PEAK1: variants seen among roughly 807,000 people sequenced by gnomAD.
PEAK1 encodes pseudopodium enriched atypical kinase 1.
PEAK1 carries 54 observed loss-of-function variants against 124.7 expected under a neutral mutation model. That is an observed-to-expected ratio of 0.43 (90% CI 0.35 to 0.54). PEAK1 has a LOEUF of 0.54. Ranked by LOEUF, PEAK1 falls within the 20% of genes least tolerant of loss-of-function variation. PEAK1 has a pLI of 0.01. For missense variants in PEAK1, 2,046 were observed against 2,134.5 expected (o/e 0.96, Z 0.82); for synonymous variants, 719 against 760.0 (o/e 0.95, Z 0.89).
At position 77,179,756 on chromosome 15, in the gene PEAK1, T is replaced by C. The variant is rs750579068; in HGVS notation, c.2171A>G (p.Tyr724Cys). Residue 724 changes from tyrosine (Y) to cysteine (C), a missense_variant, in exon 7 of 10, where the codon TAT becomes TGT. Coordinates refer to ENST00000682557, the MANE Select transcript of PEAK1 (RefSeq NM_001385026.1). ...NRGQSSPQRS[Y>C]SSSHSSPAKI... is the part of the protein sequence containing the mutation. ...TGCTGGGGAGCTGTGGCTGGAACTA[T>C]AGCTTCTCTGTGGTGAAGACTGACC... The C allele has an allele frequency of 9.3e-6, 15 of 1,614,152 alleles. No individual in the cohort carries two copies. The Admixed American group carries it at 1.2e-4, about 13-fold the overall frequency.
intron 2 of PEAK1, chr15:77,352,834 T>C: frequency 1.0e-6 from 1 of 985,362 alleles, no homozygotes; most frequent in Non-Finnish European, 1.2e-6. Flanking sequence ...AAACAGGTGT[T>C]CATAACAGCT....
At chr15:77,164,524 T>C (rs947288362) in intron 7 of PEAK1, among the ~76,000 whole-genome samples, 2 of 152,204 alleles carry the variant, frequency 1.3e-5, no homozygotes, top group African/African-American at 4.8e-5. Flanking sequence ...TAAAAGTGTC[T>C]TTAAGGCACC....
At chr15:77,283,549 G>A (rs767200637) in intron 5 of PEAK1, among the ~76,000 whole-genome samples, 1 of 151,994 alleles carries the variant, frequency 6.6e-6, no homozygotes, top group Non-Finnish European at 1.5e-5. Context: ...AAGTTACACA[G>A]TTGTAGCTCT....
Position 77,190,337 on chromosome 15 carries a change from A to C in PEAK1, c.-114-8297T>G, listed in dbSNP as rs78131430. Among the ~76,000 whole-genome samples, 903 of 152,340 alleles carry C rather than the reference A, an allele frequency of 5.9e-3. 12 individuals are homozygous for C. The highest frequency in any genetic ancestry group is 0.02 in the African/African-American group (835 of 41,578). Reference sequence around the variant, plus strand: ...AATAAACTAGTCTTTCCTAGTGCAGATATTTGGACCTGTTCTAATAAATAA... The same window carrying C: ...AATAAACTAGTCTTTCCTAGTGCAGCTATTTGGACCTGTTCTAATAAATAA... On this transcript the variant is annotated intron_variant, in intron 6 of 9. Transcript: ENST00000682557.
chr15:77,200,263 CT>C (rs1241565614), intron 6 of PEAK1, among the ~76,000 whole-genome samples: 1 of 152,128 alleles, frequency 6.6e-6, no homozygotes, highest in Non-Finnish European at 1.5e-5. Flanking sequence ...CTCCAGCTTA[CT>C]TTATTGTAAG....
chr15:77,292,235 T>C (rs544175268), intron 2 of PEAK1, among the ~76,000 whole-genome samples: 2 of 152,284 alleles, frequency 1.3e-5, no homozygotes, highest in East Asian at 3.9e-4. Context: ...TAGGAGCCTC[T>C]GGTCACAACA....
rs1258175550 is a variant in PEAK1 at position 77,181,285 on chromosome 15, G to T, written c.642C>A (p.Ser214Arg). Reference protein sequence around the residue: ...TQGKHVILSGSTEVISNEGGR... With the variant: ...TQGKHVILSGRTEVISNEGGR... ...CCCCTTCATTACTAATCACTTCTGT[G>T]CTCCCACTCAGAATAACATGCTTGC... Residue 214 changes from serine (S) to arginine (R), a missense_variant, in exon 7 of 10, where the codon AGC becomes AGA. Coordinates refer to ENST00000682557, the MANE Select transcript of PEAK1 (RefSeq NM_001385026.1). 2 of 1,613,966 alleles carry T rather than the reference G, an allele frequency of 1.2e-6. No homozygotes were observed. The highest frequency in any genetic ancestry group is 1.1e-5 in the South Asian group (1 of 91,064).
At chr15:77,151,873 TCTGTTTTGGTAACAGTACCATG>T (rs1475763671) in intron 8 of PEAK1, among the ~76,000 whole-genome samples, 6 of 152,232 alleles carry the variant, frequency 3.9e-5, no homozygotes, top group Admixed American at 2.0e-4. Context: ...GATCTATATC[TCTGTTTTGGTAACAGTACCATG>T]CTGTTTTGGT....
chr15:77,406,919 A>C (rs2071869899), intron 1 of PEAK1, among the ~76,000 whole-genome samples: 1 of 152,220 alleles, frequency 6.6e-6, no homozygotes, highest in Non-Finnish European at 1.5e-5. Flanking sequence ...CTGGTGTAAA[A>C]ATAGGCACGT....
chr15:77,147,886 A>G (rs753666152), intron 8 of PEAK1, among the ~76,000 whole-genome samples: 3 of 152,234 alleles, frequency 2.0e-5, no homozygotes, highest in East Asian at 1.9e-4. Context: ...GAAATGTTCT[A>G]TATCTTCACT....
chr15:77,199,511 A>G (rs1256278440), intron 6 of PEAK1, among the ~76,000 whole-genome samples: 1 of 152,228 alleles, frequency 6.6e-6, no homozygotes, highest in Non-Finnish European at 1.5e-5. Flanking sequence ...TGAAGATGAC[A>G]TTGTTGTTAC....
chr15:77,360,115 C>T (rs2067786791), intron 2 of PEAK1, among the ~76,000 whole-genome samples: 1 of 152,188 alleles, frequency 6.6e-6, no homozygotes, highest in African/African-American at 2.4e-5. Flanking sequence ...TAAACCCCTA[C>T]ATTTATAGGC....
chr15:77,285,989 T>C (rs774941289), intron 3 of PEAK1, among the ~76,000 whole-genome samples: 4 of 152,230 alleles, frequency 2.6e-5, no homozygotes, highest in Admixed American at 6.5e-5. Flanking sequence ...CTTGTGGGCA[T>C]CTAGTGCTAT....
chr15:77,313,702 A>ATATATATG (rs1213561861), intron 2 of PEAK1, among the ~76,000 whole-genome samples: 18 of 119,442 alleles, frequency 1.5e-4, no homozygotes, highest in African/African-American at 5.8e-4. Context: ...GTATATATAT[A>ATATATATG]TATGTATGTG....
intron 2 of PEAK1, among the ~76,000 whole-genome samples, chr15:77,331,942 A>C (rs949745292): frequency 6.6e-6 from 1 of 151,800 alleles, no homozygotes; most frequent in Admixed American, 6.6e-5. Flanking sequence ...TACATTTTCT[A>C]AACTGCTCTA....
At chr15:77,207,319 G>C (rs1308697827) in intron 6 of PEAK1, among the ~76,000 whole-genome samples, 1 of 152,162 alleles carries the variant, frequency 6.6e-6, no homozygotes, top group Non-Finnish European at 1.5e-5. Flanking sequence ...GTTAAGAATT[G>C]TGTACAAATT....
chr15:77,146,450 G>C (rs35705080), intron 8 of PEAK1, among the ~76,000 whole-genome samples: 11,116 of 152,166 alleles, frequency 0.073, 540 homozygotes, highest in Non-Finnish European at 0.1. Context: ...CTTAATTTTT[G>C]TAAGTCCTCA....
At chr15:77,183,231 C>T (rs557189778) in intron 6 of PEAK1, among the ~76,000 whole-genome samples, 1 of 152,272 alleles carries the variant, frequency 6.6e-6, no homozygotes, top group Non-Finnish European at 1.5e-5. Context: ...GCCAGTCACA[C>T]TCATTTGTTT....
At chr15:77,254,977 T>C (rs2061058769) in intron 5 of PEAK1, among the ~76,000 whole-genome samples, 1 of 152,170 alleles carries the variant, frequency 6.6e-6, no homozygotes, top group South Asian at 2.1e-4. Context: ...AAGGTGAAGA[T>C]GCTGTTTTAG....
Sources: gnomAD v4.1 joint callset for allele counts (sites outside exome capture counted in the v4.1 genomes callset) on GRCh38, gnomAD v4.1.1 for gene constraint, MANE v1.5 for transcripts, NCBI Gene and HGNC (gene_info 2026-07-23, HGNC 2026-07-21) for gene names.